Variants in DPP10 observed in about 807,000 individuals in gnomAD.
The protein encoded by DPP10 is inactive dipeptidyl peptidase 10.
Under a neutral mutation model 120.9 loss-of-function variants are expected in DPP10, and 33 were observed. That is an observed-to-expected ratio of 0.27 (90% CI 0.21 to 0.37). The LOEUF (loss-of-function observed/expected upper bound fraction) is 0.37, where lower values mean the gene tolerates loss of function less well. DPP10 is among the 10% of genes least tolerant of loss of function. DPP10 has a pLI of 1.00. For missense variants in DPP10, 816 were observed against 942.8 expected (o/e 0.87, Z 1.76); for synonymous variants, 337 against 326.1 (o/e 1.03, Z -0.36).
chr2:115,274,784 A>C (rs2105833360), intron 1 of DPP10, among the ~76,000 whole-genome samples: 1 of 152,350 alleles, frequency 6.6e-6, no homozygotes, highest in East Asian at 1.9e-4. Flanking sequence ...TATGCAATTT[A>C]TTACTTAATA....
At chr2:115,347,951 A>G (rs1439757013) in intron 3 of DPP10, among the ~76,000 whole-genome samples, 1 of 152,092 alleles carries the variant, frequency 6.6e-6, no homozygotes, top group African/African-American at 2.4e-5. Context: ...ATACATATGC[A>G]TGTGTCTTTA....
At chr2:114,599,626 ATC>A (rs1692205286) in intron 1 of DPP10, among the ~76,000 whole-genome samples, 1 of 151,556 alleles carries the variant, frequency 6.6e-6, no homozygotes, top group Admixed American at 6.6e-5. Context: ...TTTAAAATCT[ATC>A]CACTTGTTTA....
intron 2 of DPP10, among the ~76,000 whole-genome samples, chr2:115,325,707 GAA>G (rs1446905940): frequency 6.6e-6 from 1 of 151,964 alleles, no homozygotes; most frequent in Non-Finnish European, 1.5e-5. Flanking sequence ...ATAACAAAAT[GAA>G]AAGTTATGTT....
At chr2:115,468,798 A>G in intron 3 of DPP10, 1 of 460,586 alleles carries the variant, frequency 2.2e-6, no homozygotes. Context: ...GACTGGTCTC[A>G]AGGTGTGCAG....
chr2:115,046,741 A>G (rs2105325823), intron 1 of DPP10, among the ~76,000 whole-genome samples: 1 of 152,202 alleles, frequency 6.6e-6, no homozygotes, highest in Admixed American at 6.5e-5. Flanking sequence ...AATTAACTTA[A>G]ATGTACAGAG....
chr2:115,338,215 A>G (rs1372454949), intron 2 of DPP10, among the ~76,000 whole-genome samples: 4 of 152,152 alleles, frequency 2.6e-5, no homozygotes, highest in Admixed American at 6.6e-5. Context: ...AAAGTTTAAC[A>G]TATTAATCTA....
At chr2:115,236,373 T>G (rs976342587) in intron 1 of DPP10, among the ~76,000 whole-genome samples, 5 of 152,230 alleles carry the variant, frequency 3.3e-5, no homozygotes, top group Non-Finnish European at 7.3e-5. Context: ...CTCTTTTAGA[T>G]GTCTGGTAGG....
chr2:115,117,263 T>A (rs1474588563), intron 1 of DPP10, among the ~76,000 whole-genome samples: 1 of 152,146 alleles, frequency 6.6e-6, no homozygotes, highest in Non-Finnish European at 1.5e-5. Flanking sequence ...GTTTTATCAT[T>A]AAAAAGTGAA....
At position 115,253,409 on chromosome 2, in the gene DPP10, C is replaced by A. The variant is rs2058837181; in HGVS notation, c.61-55830C>A. Among the ~76,000 whole-genome samples the A allele has an allele frequency of 2.6e-5, 4 of 152,246 alleles. No homozygotes were observed. In the Middle Eastern group the frequency reaches 0.01, roughly 388 times the overall value. On this transcript the variant is annotated intron_variant, in intron 1 of 25. Coordinates refer to ENST00000410059, the MANE Select transcript of DPP10 (RefSeq NM_020868.6). ...TACAAAAATCTTGTCCCAATAGTCC[C>A]CCAATGTCTTATTTCATCCCAGCAT... is the stretch of plus-strand genomic sequence containing the variant.
chr2:114,950,920 G>A (rs1048876015), intron 1 of DPP10, among the ~76,000 whole-genome samples: 3 of 152,110 alleles, frequency 2.0e-5, no homozygotes, highest in Non-Finnish European at 4.4e-5. Flanking sequence ...TTACATTTAT[G>A]TCAATTCTTT....
In DPP10 at chr2:114,997,441, G is replaced by A. The variant is rs556918264; in HGVS notation, c.61-311798G>A. On this transcript the variant is annotated intron_variant, in intron 1 of 25. Transcript: ENST00000410059. ...CAGGAGGCGGAGGTTGCAGTAAGCC[G>A]AGACTGTGCCACTGCACTCCAACTT... Among the ~76,000 whole-genome samples, 8 of 150,560 alleles carry A rather than the reference G, an allele frequency of 5.3e-5. No individual in the cohort carries two copies. In the East Asian group the frequency reaches 7.8e-4, roughly 15 times the overall value.
At chr2:114,480,640 A>G (rs1220659997) in intron 1 of DPP10, among the ~76,000 whole-genome samples, 25 of 141,974 alleles carry the variant, frequency 1.8e-4, no homozygotes, top group African/African-American at 6.6e-4. Context: ...TCTCACTCAT[A>G]GGTGGGAATT....
chr2:115,658,328 C>T (rs2088585132), intron 5 of DPP10, among the ~76,000 whole-genome samples: 1 of 151,678 alleles, frequency 6.6e-6, no homozygotes, highest in African/African-American at 2.4e-5. Flanking sequence ...CATGTTTGGC[C>T]CATTTCCTTG....
intron 1 of DPP10, among the ~76,000 whole-genome samples, chr2:114,988,954 A>T (rs1238948468): frequency 3.9e-5 from 6 of 152,204 alleles, no homozygotes; most frequent in African/African-American, 1.4e-4. Context: ...ATTAAAAAAA[A>T]AAGGTATGGG....
chr2:115,266,082 G>A (rs2059449602), intron 1 of DPP10, among the ~76,000 whole-genome samples: 2 of 151,996 alleles, frequency 1.3e-5, no homozygotes, highest in Admixed American at 1.3e-4. Context: ...ACATGAGGAG[G>A]TAATTTAATT....
At chr2:114,658,899 C>T (rs1160993555) in intron 1 of DPP10, among the ~76,000 whole-genome samples, 1 of 152,154 alleles carries the variant, frequency 6.6e-6, no homozygotes, top group African/African-American at 2.4e-5. Flanking sequence ...CCCTGTAACC[C>T]CCACATGTCG....
chr2:114,633,471 C>T (rs1206293426), intron 1 of DPP10, among the ~76,000 whole-genome samples: 1 of 151,242 alleles, frequency 6.6e-6, no homozygotes, highest in East Asian at 1.9e-4. Flanking sequence ...GCCAGGCAGT[C>T]TCAAACTCTT....
At chr2:115,773,480 T>A (rs1197577934) in intron 13 of DPP10, among the ~76,000 whole-genome samples, 1 of 152,140 alleles carries the variant, frequency 6.6e-6, no homozygotes, top group Non-Finnish European at 1.5e-5. Flanking sequence ...TCACGACTTT[T>A]GTTGCTTTTT....
At chr2:115,602,673 CTGT>C (rs1378154658) in intron 5 of DPP10, among the ~76,000 whole-genome samples, 1 of 152,058 alleles carries the variant, frequency 6.6e-6, no homozygotes, top group Admixed American at 6.6e-5. Context: ...AAAAATACAC[CTGT>C]TTGCAAGGTG....
Sources: allele counts gnomAD v4.1 joint callset (sites outside exome capture counted in the v4.1 genomes callset), GRCh38; gene constraint gnomAD v4.1.1; transcripts MANE v1.5; gene names NCBI Gene and HGNC (gene_info 2026-07-23, HGNC 2026-07-21).